KCTD2: variants seen among roughly 807,000 people sequenced by gnomAD.
KCTD2 encodes BTB/POZ domain-containing protein KCTD2.
Under a neutral mutation model 27.9 loss-of-function variants are expected in KCTD2, and 18 were observed. The observed-to-expected ratio is 0.64, with a 90% confidence interval of 0.45 to 0.96. KCTD2 has a LOEUF of 0.96. KCTD2 is among the 40% of genes least tolerant of loss of function. The pLI is 0.00. For missense variants in KCTD2, 280 were observed against 348.0 expected, an observed-to-expected ratio of 0.80 and a Z score of 1.56; for synonymous variants, 175 against 148.4, an observed-to-expected ratio of 1.18 and a Z score of -1.30.
At chr17:75,045,509 G>A (rs888261712), upstream of KCTD2, among the ~76,000 whole-genome samples, 2 of 152,196 alleles carry the variant, frequency 1.3e-5, no homozygotes, top group African/African-American at 4.8e-5. Context: ...CCCCAGGGGG[G>A]CCAGTTCAGA....
chr17:75,036,868 T>G (rs1284382791), intron 3 of KCTD2, among the ~76,000 whole-genome samples: 1 of 152,154 alleles, frequency 6.6e-6, no homozygotes, highest in Non-Finnish European at 1.5e-5. Context: ...CTGCCCAGTC[T>G]TCTTGTTGAC....
chr17:75,060,545 T>C, intron 4 of KCTD2: 3 of 1,612,998 alleles, frequency 1.9e-6, no homozygotes, highest in Non-Finnish European at 2.5e-6. Context: ...CCCTTTTCAC[T>C]TCTGTGTTGT....
upstream of KCTD2, among the ~76,000 whole-genome samples, chr17:75,043,983 C>T (rs1328097799): frequency 1.3e-5 from 2 of 151,608 alleles, no homozygotes; most frequent in African/African-American, 4.8e-5. Context: ...TTCTTATTCA[C>T]ATCGGATTAT....
intron 2 of KCTD2, among the ~76,000 whole-genome samples, chr17:75,050,085 T>C (rs879140492): frequency 6.6e-6 from 1 of 152,180 alleles, no homozygotes; most frequent in African/African-American, 2.4e-5. Flanking sequence ...CTCTCTCTCT[T>C]TTTTTAAATG....
intron 3 of KCTD2, among the ~76,000 whole-genome samples, 198 bp downstream of exon 3, chr17:75,053,303 C>T (rs1364222847): frequency 6.6e-6 from 1 of 152,108 alleles, no homozygotes; most frequent in African/African-American, 2.4e-5. Flanking sequence ...GGCCTATGTC[C>T]CAATAGAATG....
intron 4 of KCTD2, among the ~76,000 whole-genome samples, chr17:75,060,936 T>C (rs2144941936): frequency 6.6e-6 from 1 of 152,350 alleles, no homozygotes; most frequent in Non-Finnish European, 1.5e-5. Context: ...CACCACGGAA[T>C]CCACTCTGCC....
At chr17:75,044,992 ACAT>A (rs898584612), upstream of KCTD2, among the ~76,000 whole-genome samples, 2 of 151,868 alleles carry the variant, frequency 1.3e-5, no homozygotes, top group Non-Finnish European at 2.9e-5. Context: ...ACTTTCCCAA[ACAT>A]CAGTGTATCG....
At chr17:75,052,905 A>C in intron 2 of KCTD2, 109 bp from the exon 3 acceptor site, 1 of 824,688 alleles carries the variant, frequency 1.2e-6, no homozygotes, top group Non-Finnish European at 2.1e-6. Flanking sequence ...AAAAATAAGT[A>C]AATAAATAAA....
At position 75,059,491 on chromosome 17, in the gene KCTD2, C is replaced by T. The variant is rs768759393; in HGVS notation, c.541-19C>T. 4 of 1,596,720 alleles carry T rather than the reference C, an allele frequency of 2.5e-6. No individual in the cohort carries two copies. In the Admixed American group the frequency reaches 6.8e-5, roughly 27 times the overall value. On this transcript the variant is annotated intron_variant, in intron 3 of 5. Transcript: ENST00000322444. ...TGGTGTCCTTGGTGCTGTTCTCAGT[C>T]TGCGCCTGGTCATTGCAGGGCCCCG...
At chr17:75,051,676 C>A (rs1037680306) in intron 2 of KCTD2, among the ~76,000 whole-genome samples, 1 of 150,944 alleles carries the variant, frequency 6.6e-6, no homozygotes, top group Non-Finnish European at 1.5e-5. Flanking sequence ...ACAGTTATTT[C>A]TGAACTATTT....
upstream of KCTD2, chr17:75,042,230 T>C (rs1270297032): frequency 6.2e-7 from 1 of 1,614,198 alleles, no homozygotes; most frequent in Non-Finnish European, 8.5e-7. Context: ...ATTGGCCTTG[T>C]AGTAAGCCCA....
intron 2 of KCTD2, chr17:75,035,217 C>T (rs569672467): frequency 1.3e-5 from 2 of 152,178 alleles, no homozygotes; most frequent in South Asian, 2.1e-4. Context: ...TATAATCTTC[C>T]CTCCCTTGTT....
rs557064077 is a variant in KCTD2 at position 75,059,980 on chromosome 17, T to C, written c.636+375T>C. Among the ~76,000 whole-genome samples, 7 of 152,248 alleles carry C rather than the reference T, an allele frequency of 4.6e-5. No individual in the cohort carries two copies. The East Asian group carries it at 1.4e-3, about 29-fold the overall frequency. ...ATTTCTTTTCCCAGGGTCAGAACTT[T>C]TTGGTTCTGAATGTCTTATGTAATC... On this transcript the variant is annotated intron_variant, in intron 4 of 5. Coordinates refer to ENST00000322444, the MANE Select transcript of KCTD2 (RefSeq NM_015353.3).
At chr17:75,046,025 CTGTT>C (rs992949849), upstream of KCTD2, among the ~76,000 whole-genome samples, 4 of 152,362 alleles carry the variant, frequency 2.6e-5, no homozygotes, top group African/African-American at 9.6e-5. Context: ...GCCGGTCTCT[CTGTT>C]TGGGGTCCCT....
At chr17:75,040,274 T>G in intron 3 of KCTD2, 1 of 1,253,952 alleles carries the variant, frequency 8.0e-7, no homozygotes, top group African/African-American at 1.5e-5. Flanking sequence ...TACGAATCCT[T>G]AAAGGTCATA....
chr17:75,047,246 C>G lies in KCTD2; in HGVS notation c.-5C>G. On this transcript the variant is annotated 5_prime_UTR_variant, in exon 1 of 6. Coordinates refer to ENST00000322444, the MANE Select transcript of KCTD2 (RefSeq NM_015353.3). ...GGGCAGCAGCGGTGGCGGCGGCGGTCCAAGATGGCGGAACTGCAGCTGGAC... is the reference window on the plus strand; with the variant it reads ...GGGCAGCAGCGGTGGCGGCGGCGGTGCAAGATGGCGGAACTGCAGCTGGAC... The G allele has an allele frequency of 1.0e-6, 1 of 973,972 alleles. No individual in the cohort carries two copies. The highest frequency in any genetic ancestry group is 1.3e-6 in the Non-Finnish European group (1 of 756,514). The allele number at this position is 973,972 out of a possible 1,614,324, so 60.3% of individuals were successfully genotyped here.
Position 75,063,976 on chromosome 17 carries a change from T to TA in KCTD2, c.*930dup, listed in dbSNP as rs1249387324. 1 of 152,714 alleles carries TA rather than the reference T, an allele frequency of 6.5e-6. No homozygotes were observed. Among genetic ancestry groups the TA allele is most frequent in the African/African-American group, 2.4e-5 (1 of 41,468 alleles). The allele number at this position is 152,714 out of a possible 1,614,324, so 9.5% of individuals were successfully genotyped here. ...TTTCTTTGAAAGTTGCCAAATGTGT[T>TA]ATGTTGTGTCTCAGAGAGAGTTATT... is the stretch of plus-strand genomic sequence containing the variant. On this transcript the variant is annotated 3_prime_UTR_variant, in exon 6 of 6. Coordinates refer to ENST00000322444, the MANE Select transcript of KCTD2 (RefSeq NM_015353.3).
At chr17:75,050,353 C>T (rs2073271839) in intron 2 of KCTD2, among the ~76,000 whole-genome samples, 3 of 152,120 alleles carry the variant, frequency 2.0e-5, no homozygotes, top group Non-Finnish European at 4.4e-5. Flanking sequence ...CCTCAGCCTC[C>T]TGGGTTCAAG....
At chr17:75,035,765 C>T (rs1031879575) in intron 3 of KCTD2, among the ~76,000 whole-genome samples, 2 of 152,008 alleles carry the variant, frequency 1.3e-5, no homozygotes, top group Non-Finnish European at 2.9e-5. Context: ...TCCAGGAGGC[C>T]GAGGTTGCAG....
Sources: gnomAD v4.1 joint callset for allele counts (sites outside exome capture counted in the v4.1 genomes callset) on GRCh38, gnomAD v4.1.1 for gene constraint, MANE v1.5 for transcripts, NCBI Gene and HGNC (gene_info 2026-07-23, HGNC 2026-07-21) for gene names.